Variants in TNR observed in about 807,000 individuals in gnomAD.
The protein encoded by TNR is tenascin R.
A neutral mutation model predicts 150.4 loss-of-function variants in TNR; 45 were observed. The observed-to-expected ratio is 0.30, with a 90% CI of 0.24 to 0.38. TNR has a LOEUF of 0.38. Among genes scored for constraint, TNR ranks in the 10% least tolerant of loss-of-function variants. TNR has a pLI of 1.00. For missense variants in TNR, 1,544 were observed against 1,759.1 expected (o/e 0.88, Z 2.19); for synonymous variants, 687 against 678.4 (o/e 1.01, Z -0.20).
intron 18 of TNR, among the ~76,000 whole-genome samples, chr1:175,340,604 C>T (rs1650474383): frequency 6.6e-6 from 1 of 152,210 alleles, no homozygotes; most frequent in Non-Finnish European, 1.5e-5. Flanking sequence ...TCCTGGTTTC[C>T]ATAGCAGATT....
intron 7 of TNR, among the ~76,000 whole-genome samples, chr1:175,386,913 A>G (rs978865412): frequency 6.6e-6 from 1 of 152,244 alleles, no homozygotes; most frequent in Non-Finnish European, 1.5e-5. Flanking sequence ...ATAAAAGGAT[A>G]AAAAGGACCC....
chr1:175,515,956 T>G (rs1557980773), intron 2 of TNR, among the ~76,000 whole-genome samples: 1 of 152,210 alleles, frequency 6.6e-6, no homozygotes, highest in Non-Finnish European at 1.5e-5. Flanking sequence ...AAGGTTCTTG[T>G]TGGTGGCTGC....
chr1:175,654,716 CTTCTTTT>C, intron 1 of TNR, among the ~76,000 whole-genome samples: 1 of 142,082 alleles, frequency 7.0e-6, no homozygotes, highest in African/African-American at 2.7e-5. Flanking sequence ...CAAAAGTTCC[CTTCTTTT>C]TTTTTTTTTT....
chr1:175,433,278 C>T (rs972031025), intron 2 of TNR, among the ~76,000 whole-genome samples: 9 of 152,188 alleles, frequency 5.9e-5, no homozygotes, highest in African/African-American at 1.7e-4. Context: ...AACTGAACCC[C>T]GCCCTAGTTG....
chr1:175,736,636 T>C (rs1017336240), intron 1 of TNR, among the ~76,000 whole-genome samples: 2 of 152,130 alleles, frequency 1.3e-5, no homozygotes, highest in Non-Finnish European at 2.9e-5. Flanking sequence ...TCCCCAGGTC[T>C]TGCTTCTTGA....
At chr1:175,394,053 C>T (rs1458103110) in intron 5 of TNR, among the ~76,000 whole-genome samples, 158 bp from the exon 6 acceptor site, 3 of 152,234 alleles carry the variant, frequency 2.0e-5, no homozygotes, top group Non-Finnish European at 2.9e-5. Context: ...GTCCCAGGTG[C>T]AGAATCAACC....
At chr1:175,564,162 C>A (rs1374942495) in intron 1 of TNR, among the ~76,000 whole-genome samples, 1 of 152,236 alleles carries the variant, frequency 6.6e-6, no homozygotes, top group African/African-American at 2.4e-5. Flanking sequence ...CTCTCCAAGA[C>A]CCTGACTTCT....
At chr1:175,604,111 G>A (rs946192673) in intron 1 of TNR, among the ~76,000 whole-genome samples, 2 of 151,976 alleles carry the variant, frequency 1.3e-5, no homozygotes, top group Non-Finnish European at 2.9e-5. Context: ...TGAGGACAGT[G>A]GCAGCTTTTC....
intron 1 of TNR, among the ~76,000 whole-genome samples, chr1:175,602,117 A>G (rs1336701384): frequency 6.6e-6 from 1 of 151,244 alleles, no homozygotes; most frequent in Non-Finnish European, 1.5e-5. Flanking sequence ...TTAAATTGAT[A>G]ATATAAATAT....
chr1:175,704,024 A>G (rs967646474), intron 1 of TNR, among the ~76,000 whole-genome samples: 2 of 152,154 alleles, frequency 1.3e-5, no homozygotes, highest in African/African-American at 4.8e-5. Flanking sequence ...GCATTCCTCT[A>G]TTGTTTATAT....
intron 2 of TNR, among the ~76,000 whole-genome samples, chr1:175,473,610 A>G (rs1004829121): frequency 2.0e-5 from 3 of 152,300 alleles, no homozygotes; most frequent in Admixed American, 1.3e-4. Context: ...CCAAATGTCT[A>G]CAGAGCCTTG....
chr1:175,639,432 C>T (rs1488037000), intron 1 of TNR, among the ~76,000 whole-genome samples: 1 of 152,204 alleles, frequency 6.6e-6, no homozygotes, highest in Admixed American at 6.5e-5. Flanking sequence ...TCCACCACGG[C>T]GTGCTGAGTG....
chr1:175,692,611 A>G (rs1571758047), intron 1 of TNR, among the ~76,000 whole-genome samples: 1 of 152,286 alleles, frequency 6.6e-6, no homozygotes, highest in African/African-American at 2.4e-5. Context: ...GATCAGTCTC[A>G]CTGAGGGCTA....
intron 18 of TNR, among the ~76,000 whole-genome samples, chr1:175,348,285 G>C (rs10912963): frequency 0.48 from 73,610 of 151,960 alleles, 19,775 homozygotes; most frequent in East Asian, 0.77. Context: ...TGCATTATAG[G>C]CCTTCAGAAG....
At chr1:175,387,633 G>A (rs755296888) in intron 7 of TNR, among the ~76,000 whole-genome samples, 2 of 152,222 alleles carry the variant, frequency 1.3e-5, no homozygotes, top group Non-Finnish European at 2.9e-5. Flanking sequence ...ATTCCCATGA[G>A]GCACTCTATG....
intron 13 of TNR, 31 bp downstream of exon 13, chr1:175,363,677 G>GT: frequency 2.5e-6 from 4 of 1,607,576 alleles, no homozygotes; most frequent in Non-Finnish European, 3.4e-6. Flanking sequence ...CCAAATCCTA[G>GT]TATCTTTGAG....
chr1:175,572,463 C>T (rs1389218752), intron 1 of TNR, among the ~76,000 whole-genome samples: 3 of 152,084 alleles, frequency 2.0e-5, no homozygotes, highest in Non-Finnish European at 4.4e-5. Flanking sequence ...CAGATAATGT[C>T]CCTCTTGATA....
intron 1 of TNR, among the ~76,000 whole-genome samples, chr1:175,694,498 G>A (rs944770864): frequency 3.9e-5 from 6 of 152,178 alleles, no homozygotes; most frequent in East Asian, 1.9e-4. Flanking sequence ...ATTGCAACCA[G>A]AGGAAATTCT....
intron 1 of TNR, among the ~76,000 whole-genome samples, chr1:175,637,791 T>C (rs943526211): frequency 6.6e-6 from 1 of 152,192 alleles, no homozygotes; most frequent in African/African-American, 2.4e-5. Context: ...CTTTTCATTG[T>C]CTAAAGCTTG....
Sources: allele counts gnomAD v4.1 joint callset (sites outside exome capture counted in the v4.1 genomes callset), GRCh38; gene constraint gnomAD v4.1.1; transcripts MANE v1.5; gene names NCBI Gene and HGNC (gene_info 2026-07-23, HGNC 2026-07-21).